IRAG2: variants seen among roughly 807,000 people sequenced by gnomAD.
IRAG2 encodes the protein inositol 1,4,5-triphosphate receptor associated 2.
Under a neutral mutation model 69.9 loss-of-function variants are expected in IRAG2, and 45 were observed. That is an observed-to-expected ratio of 0.64 (90% CI 0.51 to 0.83). The LOEUF (loss-of-function observed/expected upper bound fraction) is 0.83, where lower values mean the gene tolerates loss of function less well. IRAG2 is among the 40% of genes least tolerant of loss of function. The pLI, the probability that IRAG2 is intolerant of heterozygous loss-of-function variation, is 0.00. For missense variants in IRAG2, 520 were observed against 587.0 expected (o/e 0.89, Z 1.18); for synonymous variants, 193 against 202.4 (o/e 0.95, Z 0.40).
At chr12:25,027,120 G>A (rs1944628286) in intron 9 of IRAG2, among the ~76,000 whole-genome samples, 1 of 150,998 alleles carries the variant, frequency 6.6e-6, no homozygotes, top group South Asian at 2.1e-4. Flanking sequence ...GTGTGTTTTA[G>A]TACGTTCACA....
upstream of IRAG2, among the ~76,000 whole-genome samples, chr12:25,048,213 T>C (rs1243622393): frequency 6.6e-6 from 1 of 152,206 alleles, no homozygotes; most frequent in Non-Finnish European, 1.5e-5. Flanking sequence ...TGATCAGTGA[T>C]GTTGAGCTTT....
chr12:25,033,581 T>G (rs2139850355), intron 12 of IRAG2, among the ~76,000 whole-genome samples: 1 of 152,318 alleles, frequency 6.6e-6, no homozygotes, highest in East Asian at 1.9e-4. Context: ...AATCCAGATT[T>G]TTAAGTGACA....
At chr12:25,011,856 TGTGATAC>T (rs1268640631) in intron 3 of IRAG2, among the ~76,000 whole-genome samples, 1 of 152,192 alleles carries the variant, frequency 6.6e-6, no homozygotes, top group Admixed American at 6.5e-5. Flanking sequence ...GGGGAGCACA[TGTGATAC>T]TCTCACAGAG....
chr12:25,060,201 T>G (rs1431971924), intron 1 of IRAG2, among the ~76,000 whole-genome samples: 1 of 151,254 alleles, frequency 6.6e-6, no homozygotes, highest in Non-Finnish European at 1.5e-5. Context: ...AAGTGTGAGG[T>G]TTGCCACGTG....
intron 2 of IRAG2, among the ~76,000 whole-genome samples, chr12:25,008,430 T>A (rs867018160): frequency 6.6e-6 from 1 of 152,028 alleles, no homozygotes; most frequent in East Asian, 1.9e-4. Flanking sequence ...AGTGAAACCA[T>A]GTCTCCACTA....
At chr12:25,040,704 A>C (rs1289966463) in intron 16 of IRAG2, among the ~76,000 whole-genome samples, 2 of 152,194 alleles carry the variant, frequency 1.3e-5, no homozygotes, top group Non-Finnish European at 2.9e-5. Flanking sequence ...AAGAATGGAA[A>C]TAATTGAGTG....
At chr12:25,078,667 T>G (rs1442921813) in intron 6 of IRAG2, among the ~76,000 whole-genome samples, 1 of 152,162 alleles carries the variant, frequency 6.6e-6, no homozygotes, top group Non-Finnish European at 1.5e-5. Context: ...AATTAAGAGG[T>G]TCATAGAAAC....
At chr12:25,098,262 G>A (rs1454110685) in intron 15 of IRAG2, among the ~76,000 whole-genome samples, 1 of 152,126 alleles carries the variant, frequency 6.6e-6, no homozygotes, top group Admixed American at 6.5e-5. Context: ...AACCTCAAGC[G>A]GGTCCTTGGG....
chr12:25,048,851 C>T (rs1944818533), upstream of IRAG2, among the ~76,000 whole-genome samples: 1 of 152,140 alleles, frequency 6.6e-6, no homozygotes, highest in Non-Finnish European at 1.5e-5. Flanking sequence ...CCTATGTCCT[C>T]AATTTTACTG....
intron 7 of IRAG2, among the ~76,000 whole-genome samples, chr12:25,022,616 G>A (rs1379158712): frequency 2.0e-5 from 3 of 152,226 alleles, no homozygotes; most frequent in Non-Finnish European, 1.5e-5. Context: ...GGTAATAACA[G>A]AAAATCTGTA....
At chr12:25,030,969 T>C (rs890414230) in intron 10 of IRAG2, 19 of 909,678 alleles carry the variant, frequency 2.1e-5, no homozygotes, top group Admixed American at 6.2e-5. Flanking sequence ...CATAGATAGA[T>C]ATCATTCTAT....
At chr12:25,084,697 A>T (rs1231357139) in intron 10 of IRAG2, among the ~76,000 whole-genome samples, 1 of 152,182 alleles carries the variant, frequency 6.6e-6, no homozygotes, top group East Asian at 1.9e-4. Flanking sequence ...GCAAAAAAGT[A>T]GATGAAAATT....
intron 2 of IRAG2, among the ~76,000 whole-genome samples, chr12:25,008,776 A>G (rs927046773): frequency 2.0e-5 from 3 of 152,308 alleles, no homozygotes; most frequent in Non-Finnish European, 2.9e-5. Flanking sequence ...CATAATTGCT[A>G]AAGATAGTGT....
chr12:25,034,131 G>A (rs1565530796), intron 13 of IRAG2, among the ~76,000 whole-genome samples: 1 of 152,168 alleles, frequency 6.6e-6, no homozygotes. Flanking sequence ...TTCAAGTTAC[G>A]GCCGAAAGCT....
chr12:25,094,135 T>C (rs571147295), intron 14 of IRAG2, among the ~76,000 whole-genome samples: 2 of 152,292 alleles, frequency 1.3e-5, no homozygotes, highest in East Asian at 3.9e-4. Context: ...GTGCTCTCGG[T>C]GTTATATCCA....
At chr12:25,019,647 G>A (rs144601563) in intron 6 of IRAG2, among the ~76,000 whole-genome samples, 1 of 152,228 alleles carries the variant, frequency 6.6e-6, no homozygotes, top group East Asian at 1.9e-4. Context: ...AGGATAGGGG[G>A]CATGGTGGGT....
chr12:25,012,143 CCT>C (rs758709215), intron 3 of IRAG2, among the ~76,000 whole-genome samples: 3,005 of 23,998 alleles, frequency 0.13, 624 homozygotes, highest in African/African-American at 0.19. Context: ...AAGCGAATTC[CCT>C]TTTTTTTTTT....
chr12:25,088,031 G>A (rs904368737), intron 10 of IRAG2, 69 bp from the exon 11 acceptor site: 1 of 1,158,506 alleles, frequency 8.6e-7, no homozygotes, highest in African/African-American at 1.5e-5. Flanking sequence ...GAGAGGACAG[G>A]AAGTAGGAAA....
intron 14 of IRAG2, among the ~76,000 whole-genome samples, chr12:25,094,482 T>C (rs558438612): frequency 1.3e-5 from 2 of 152,314 alleles, no homozygotes; most frequent in South Asian, 2.1e-4. Flanking sequence ...TATTGTAGCA[T>C]TGTAATATGT....
Sources: gnomAD v4.1 joint callset for allele counts (sites outside exome capture counted in the v4.1 genomes callset) on GRCh38, gnomAD v4.1.1 for gene constraint, MANE v1.5 for transcripts, NCBI Gene and HGNC (gene_info 2026-07-23, HGNC 2026-07-21) for gene names.